The following TMC5 variants were observed in gnomAD, a reference collection of about 807,000 sequenced individuals.
The protein encoded by TMC5 is transmembrane channel like 5, also known as transmembrane channel-like protein 5.
Under a neutral mutation model 110.5 loss-of-function variants are expected in TMC5, and 86 were observed. The ratio of observed to expected loss-of-function variants is 0.78; its 90% CI spans 0.65 to 0.93. The LOEUF (loss-of-function observed/expected upper bound fraction) is 0.93, where lower values mean the gene tolerates loss of function less well. Ranked by LOEUF, TMC5 falls within the 40% of genes least tolerant of loss-of-function variation. TMC5 has a pLI of 0.00. For synonymous variants in TMC5, 455 were observed against 439.5 expected (o/e 1.04, Z -0.44); for missense variants, 1,144 against 1,222.8 (o/e 0.94, Z 0.96).
rs1134662 is a variant in TMC5, at chr16:19,498,927, G to A, written c.*961G>A. Reference sequence around the variant, plus strand: ...AATAAAAAAACTAGCTGGGCGTGGTGGTACATGCCTATAATCCCAGCTACT... The same window carrying A: ...AATAAAAAAACTAGCTGGGCGTGGTAGTACATGCCTATAATCCCAGCTACT... On this transcript the variant is annotated 3_prime_UTR_variant, in exon 22 of 22. Coordinates refer to ENST00000542583, the MANE Select transcript of TMC5 (RefSeq NM_001261841.2). 0.64 allele frequency: 96,586 copies of A among 151,906 alleles called. 32,268 individuals are homozygous for A. Among genetic ancestry groups the A allele is most frequent in the South Asian group, 0.77 (3,677 of 4,804 alleles). The allele number at this position is 151,906 out of a possible 1,614,324, so 9.4% of individuals were successfully genotyped here. A position where few individuals can be genotyped will look rare whatever the true frequency, so the allele number is the denominator to read the frequency against.
At position 19,490,329 on chromosome 16, in the gene TMC5, C is replaced by A. The variant is rs142253414; in HGVS notation, c.2574-66C>A. On this transcript the variant is annotated intron_variant, in intron 17 of 21. Transcript: ENST00000542583. ...CAGGCCCAGAGCCCAGAAGGGACACCCTGATTCTAGAATAACCATCCCTGA... is the reference window on the plus strand; with the variant it reads ...CAGGCCCAGAGCCCAGAAGGGACACACTGATTCTAGAATAACCATCCCTGA... 2.1e-3 allele frequency: 3,223 copies of A among 1,533,916 alleles called. 13 individuals carry two copies. The highest frequency in any genetic ancestry group is 1.8e-3 in the Non-Finnish European group (1,975 of 1,117,084).
At position 19,481,472 on chromosome 16, in the gene TMC5, T is replaced by G; in HGVS notation, c.2363+7T>G. The G allele has an allele frequency of 6.2e-7, 1 of 1,606,440 alleles. No homozygotes were observed. Among genetic ancestry groups the G allele is most frequent in the Non-Finnish European group, 8.5e-7 (1 of 1,172,990 alleles). ...ATGCACAAACTCTGGTGTGGTAAGT[T>G]TTGTGACTCAGCAAAATGCCCAGTG... On this transcript the variant is annotated splice_region_variant and intron_variant, in intron 15 of 21. Transcript: ENST00000542583.
At chr16:19,496,887 C>CAAAAAAAAAAAAAAAAAAAAA (rs67040638) in intron 20 of TMC5, among the ~76,000 whole-genome samples, 4 of 80,242 alleles carry the variant, frequency 5.0e-5, no homozygotes, top group African/African-American at 2.1e-4. Context: ...AAGACTCTGT[C>CAAAAAAAAAAAAAAAAAAAAA]AAAAAAAAAA....
rs1186804108 is a variant in TMC5, at chr16:19,466,069, T to C, written c.1486-13T>C. On this transcript the variant is annotated splice_polypyrimidine_tract_variant and intron_variant, in intron 8 of 21. Coordinates refer to ENST00000542583, the MANE Select transcript of TMC5 (RefSeq NM_001261841.2). ...GGAGATCCACCTGACCTATGGTTTA[T>C]TGTACCTTTCAGGGTTATTTTAGGG... 1.7e-5 allele frequency: 27 copies of C among 1,613,552 alleles called. No homozygotes were observed. Among genetic ancestry groups the C allele is most frequent in the Non-Finnish European group, 1.9e-5 (23 of 1,179,780 alleles).
chr16:19,439,827 CAT>C (rs1333775148), intron 2 of TMC5, 131 bp from the exon 3 acceptor site: 2 of 543,216 alleles, frequency 3.7e-6, no homozygotes, highest in Non-Finnish European at 6.6e-6. Flanking sequence ...AATCTAGAAA[CAT>C]AGTCTTTATT....
chr16:19,412,839 C>T (rs886217601), intron 1 of TMC5, among the ~76,000 whole-genome samples: 5 of 152,152 alleles, frequency 3.3e-5, no homozygotes, highest in African/African-American at 1.2e-4. Context: ...AACCCCTTCT[C>T]ATCTATTTAT....
chr16:19,441,631 A>G (rs186565384), intron 3 of TMC5, among the ~76,000 whole-genome samples: 3 of 151,872 alleles, frequency 2.0e-5, no homozygotes, highest in South Asian at 2.1e-4. Flanking sequence ...TTTTATTTCT[A>G]TTTTACTGAG....
At chr16:19,426,033 G>A (rs561529401) in intron 1 of TMC5, among the ~76,000 whole-genome samples, 9 of 152,344 alleles carry the variant, frequency 5.9e-5, no homozygotes, top group Non-Finnish European at 1.3e-4. Context: ...ATGGGTTAAT[G>A]CCTGTCCAGA....
intron 2 of TMC5, among the ~76,000 whole-genome samples, chr16:19,437,947 AACT>A: frequency 6.6e-6 from 1 of 152,260 alleles, no homozygotes; most frequent in South Asian, 2.1e-4. Context: ...TCTTGAGCCA[AACT>A]CTGTGGCCAG....
chr16:19,424,404 C>T (rs1202676414), intron 1 of TMC5, among the ~76,000 whole-genome samples: 1 of 151,914 alleles, frequency 6.6e-6, no homozygotes, highest in Non-Finnish European at 1.5e-5. Flanking sequence ...TAATCCCAGC[C>T]CTTTGGGAGG....
intron 3 of TMC5, among the ~76,000 whole-genome samples, chr16:19,441,288 TTTG>T (rs1967483636): frequency 7.8e-6 from 1 of 128,042 alleles, no homozygotes; most frequent in Admixed American, 7.7e-5. Context: ...GCACCACTTC[TTTG>T]TTTTTTTTTT....
chr16:19,487,473 G>A (rs142672055), intron 17 of TMC5, 147 bp downstream of exon 17: 5 of 1,092,952 alleles, frequency 4.6e-6, no homozygotes, highest in Admixed American at 3.1e-5. Context: ...AGGCCAAGGC[G>A]GGTGGATCAC....
At chr16:19,489,225 G>A (rs1224838442) in intron 17 of TMC5, among the ~76,000 whole-genome samples, 1 of 152,200 alleles carries the variant, frequency 6.6e-6, no homozygotes, top group East Asian at 1.9e-4. Context: ...AGGCAGGAAT[G>A]CAGGGGCGCA....
chr16:19,443,757 T>A (rs914778207), intron 3 of TMC5, among the ~76,000 whole-genome samples: 8 of 151,848 alleles, frequency 5.3e-5, no homozygotes, highest in Admixed American at 2.6e-4. Flanking sequence ...TGGATGAATG[T>A]ATGTATGGTT....
At chr16:19,464,376 A>G (rs1187930244) in intron 8 of TMC5, among the ~76,000 whole-genome samples, 2 of 152,056 alleles carry the variant, frequency 1.3e-5, no homozygotes, top group Admixed American at 1.3e-4. Context: ...GTGAAGCAAG[A>G]TTCCCCCACT....
At chr16:19,446,372 C>G (rs185770746) in intron 4 of TMC5, among the ~76,000 whole-genome samples, 1 of 152,094 alleles carries the variant, frequency 6.6e-6, no homozygotes, top group East Asian at 1.9e-4. Flanking sequence ...TCTTAGAGGA[C>G]GGCAATGAGG....
chr16:19,496,709 ACC>A (rs1969061226), intron 20 of TMC5, among the ~76,000 whole-genome samples: 1 of 151,738 alleles, frequency 6.6e-6, no homozygotes, highest in African/African-American at 2.4e-5. Context: ...ACATGGTGAA[ACC>A]CTGTCTCTAC....
At position 19,475,250 on chromosome 16, in the gene TMC5, C is replaced by T. The variant is rs188333303; in HGVS notation, c.2090+974C>T. Among the ~76,000 whole-genome samples the T allele has an allele frequency of 7.6e-3, 1,153 of 152,160 alleles. 6 individuals carry two copies. The highest frequency in any genetic ancestry group is 0.012 in the Non-Finnish European group (785 of 68,012). ...CAGCCTGGCCAACATGGTGAAACCC[C>T]GTCTTTACTAAAAATACAAAAATTA... On this transcript the variant is annotated intron_variant, in intron 12 of 21. Coordinates refer to ENST00000542583, the MANE Select transcript of TMC5 (RefSeq NM_001261841.2).
At chr16:19,496,791 G>A (rs562962303) in intron 20 of TMC5, among the ~76,000 whole-genome samples, 1 of 151,142 alleles carries the variant, frequency 6.6e-6, no homozygotes, top group East Asian at 1.9e-4. Flanking sequence ...TCCAGAGGCT[G>A]AGGCGGGAAA....
Sources: gnomAD v4.1 joint callset for allele counts (sites outside exome capture counted in the v4.1 genomes callset) on GRCh38, gnomAD v4.1.1 for gene constraint, MANE v1.5 for transcripts, NCBI Gene and HGNC (gene_info 2026-07-23, HGNC 2026-07-21) for gene names.